PLPP4: variants seen among roughly 807,000 people sequenced by gnomAD.
PLPP4 encodes phospholipid phosphatase 4.
Under a neutral mutation model 32.2 loss-of-function variants are expected in PLPP4, and 20 were observed. That is an observed-to-expected ratio of 0.62 (90% confidence interval 0.44 to 0.90). The LOEUF is 0.90. PLPP4 is among the 40% of genes least tolerant of loss of function. The pLI, the probability that PLPP4 is intolerant of heterozygous loss-of-function variation, is 0.00. For synonymous variants in PLPP4, 127 were observed against 133.0 expected, an observed-to-expected ratio of 0.95 and a Z score of 0.31; for missense variants, 257 against 353.1, an observed-to-expected ratio of 0.73 and a Z score of 2.18.
intron 1 of PLPP4, among the ~76,000 whole-genome samples, chr10:120,463,508 A>G (rs752321382): frequency 2.6e-5 from 4 of 152,148 alleles, no homozygotes; most frequent in Non-Finnish European, 5.9e-5. Flanking sequence ...ACTGGATTTT[A>G]TTAGATAAGA....
chr10:120,533,362 T>G (rs1485360326), intron 5 of PLPP4, among the ~76,000 whole-genome samples: 4 of 152,160 alleles, frequency 2.6e-5, no homozygotes, highest in Admixed American at 2.0e-4. Context: ...TAAATCCGGT[T>G]TTGTGTCTTT....
chr10:120,498,939 A>G (rs1340067483), intron 1 of PLPP4, among the ~76,000 whole-genome samples: 1 of 152,128 alleles, frequency 6.6e-6, no homozygotes, highest in Non-Finnish European at 1.5e-5. Flanking sequence ...TCTATTCTTA[A>G]TGAAGGCTTT....
At chr10:120,561,573 G>A (rs1848434778) in intron 5 of PLPP4, among the ~76,000 whole-genome samples, 1 of 152,138 alleles carries the variant, frequency 6.6e-6, no homozygotes, top group African/African-American at 2.4e-5. Flanking sequence ...GTTTAAATAA[G>A]ACAAATCTCC....
At chr10:120,465,283 TGTC>T in intron 1 of PLPP4, among the ~76,000 whole-genome samples, 1 of 152,290 alleles carries the variant, frequency 6.6e-6, no homozygotes, top group East Asian at 1.9e-4. Flanking sequence ...AGTGGGCCCT[TGTC>T]GTCATTCAAC....
intron 5 of PLPP4, among the ~76,000 whole-genome samples, chr10:120,570,627 T>A (rs555349009): frequency 3.9e-4 from 60 of 152,328 alleles, no homozygotes; most frequent in African/African-American, 1.3e-3. Flanking sequence ...CCGCTTGGTT[T>A]AAGAGTCAAC....
chr10:120,459,841 T>C (rs757361035), intron 1 of PLPP4, among the ~76,000 whole-genome samples: 1 of 152,218 alleles, frequency 6.6e-6, no homozygotes, highest in Non-Finnish European at 1.5e-5. Context: ...GGGATCCTGT[T>C]ACCCGTAGCC....
chr10:120,544,644 G>T (rs1285702085), intron 5 of PLPP4, among the ~76,000 whole-genome samples: 1 of 152,166 alleles, frequency 6.6e-6, no homozygotes, highest in Admixed American at 6.5e-5. Context: ...TAGACTACAA[G>T]CCCCCGGAAA....
chr10:120,525,259 C>T (rs1006326757), intron 5 of PLPP4, among the ~76,000 whole-genome samples: 14 of 152,154 alleles, frequency 9.2e-5, no homozygotes, highest in South Asian at 2.1e-4. Context: ...ACCTTGCAGT[C>T]GCCCATGCTC....
chr10:120,513,138 A>G (rs375565962), intron 2 of PLPP4, among the ~76,000 whole-genome samples: 2 of 152,210 alleles, frequency 1.3e-5, no homozygotes, highest in African/African-American at 2.4e-5. Flanking sequence ...TAAAGACTCA[A>G]TATGGGAATG....
At chr10:120,541,026 T>C (rs1449271595) in intron 5 of PLPP4, among the ~76,000 whole-genome samples, 1 of 152,236 alleles carries the variant, frequency 6.6e-6, no homozygotes, top group Non-Finnish European at 1.5e-5. Context: ...TTTCTGTATA[T>C]TCGTAACCAG....
At chr10:120,532,572 C>CATTTTTGTCTCTCATAAAATA (rs1846791949) in intron 5 of PLPP4, among the ~76,000 whole-genome samples, 1 of 152,122 alleles carries the variant, frequency 6.6e-6, no homozygotes, top group Non-Finnish European at 1.5e-5. Flanking sequence ...TCTAATTTCA[C>CATTTTTGTCTCTCATAAAATA]ATTTTTGTCT....
rs182724843 is a variant in PLPP4 at position 120,472,370 on chromosome 10, G to A, written c.56+15009G>A. On this transcript the variant is annotated intron_variant, in intron 1 of 6. Coordinates refer to ENST00000398250, the MANE Select transcript of PLPP4 (RefSeq NM_001030059.3). ...TTTTTTGGTTGGATGTAGAATTTTC[G>A]GTTGACAGTCGTCATTCAACACTTT... Among the ~76,000 whole-genome samples, 364 of 151,976 alleles carry A rather than the reference G, an allele frequency of 2.4e-3. 2 individuals are homozygous for A. The highest frequency in any genetic ancestry group is 4.6e-3 in the Non-Finnish European group (312 of 67,894).
chr10:120,457,211 C>A (rs1847816495), upstream of PLPP4: 4 of 986,330 alleles, frequency 4.1e-6, no homozygotes, highest in South Asian at 1.4e-4. Context: ...AGCGCGCCTC[C>A]CTCGCCTCCC....
chr10:120,521,200 C>A, intron 5 of PLPP4, 105 bp downstream of exon 5: 1 of 1,376,572 alleles, frequency 7.3e-7, no homozygotes, highest in Non-Finnish European at 9.9e-7. Context: ...GAATGTTAAG[C>A]GCAGTTCATT....
intron 5 of PLPP4, 119 bp downstream of exon 5, chr10:120,521,214 C>A: frequency 8.0e-7 from 1 of 1,257,604 alleles, no homozygotes; most frequent in Non-Finnish European, 1.1e-6. Context: ...GTTCATTTTT[C>A]TTCACTTTAC....
chr10:120,511,495 A>G (rs1159581376), intron 2 of PLPP4, among the ~76,000 whole-genome samples: 1 of 152,180 alleles, frequency 6.6e-6, no homozygotes, highest in African/African-American at 2.4e-5. Context: ...GTTCTCCTAT[A>G]TAAACACTGA....
intron 2 of PLPP4, among the ~76,000 whole-genome samples, chr10:120,510,758 C>A (rs1207447542): frequency 2.0e-5 from 3 of 152,168 alleles, no homozygotes; most frequent in African/African-American, 2.4e-5. Flanking sequence ...TTCCAACTTT[C>A]ATTTAAAAAT....
intron 1 of PLPP4, among the ~76,000 whole-genome samples, chr10:120,482,423 G>C (rs1228315294): frequency 6.6e-6 from 1 of 152,182 alleles, no homozygotes; most frequent in Non-Finnish European, 1.5e-5. Flanking sequence ...GAGGCATTTT[G>C]CCCCTGCCCT....
intron 5 of PLPP4, among the ~76,000 whole-genome samples, chr10:120,535,169 CTG>C (rs1200312550): frequency 2.0e-5 from 3 of 152,108 alleles, no homozygotes; most frequent in Non-Finnish European, 4.4e-5. Flanking sequence ...AATATGAGAC[CTG>C]TGGTGGTGGT....
Sources: gnomAD v4.1 joint callset for allele counts (sites outside exome capture counted in the v4.1 genomes callset) on GRCh38, gnomAD v4.1.1 for gene constraint, MANE v1.5 for transcripts, NCBI Gene and HGNC (gene_info 2026-07-23, HGNC 2026-07-21) for gene names.